The following UBR2 variants were observed in gnomAD, a reference collection of about 807,000 sequenced individuals.
The protein encoded by UBR2 is ubiquitin protein ligase E3 component n-recognin 2, also known as E3 ubiquitin-protein ligase UBR2.
A neutral mutation model predicts 247.9 loss-of-function variants in UBR2; 92 were observed. The ratio of observed to expected loss-of-function variants is 0.37; its 90% CI spans 0.31 to 0.44. UBR2 has a LOEUF of 0.44. Among genes scored for constraint, UBR2 ranks in the 20% least tolerant of loss-of-function variants. The pLI, the probability that UBR2 is intolerant of heterozygous loss-of-function variation, is 1.00. For synonymous variants in UBR2, 672 were observed against 693.5 expected (o/e 0.97, Z 0.49); for missense variants, 1,613 against 2,112.6 (o/e 0.76, Z 4.64).
chr6:42,575,793 G>T (rs1173809623), intron 2 of UBR2, among the ~76,000 whole-genome samples: 1 of 152,134 alleles, frequency 6.6e-6, no homozygotes, highest in Non-Finnish European at 1.5e-5. Context: ...CCACTGTAAT[G>T]TTACTCTTTT....
chr6:42,620,473 T>A (rs1438187276), intron 11 of UBR2: 3 of 136,206 alleles, frequency 2.2e-5, no homozygotes, highest in Non-Finnish European at 4.7e-5. Context: ...TCCTGAATAT[T>A]AAGTGTTGTT....
intron 23 of UBR2, among the ~76,000 whole-genome samples, chr6:42,651,538 C>T (rs1797112615): frequency 6.6e-6 from 1 of 151,824 alleles, no homozygotes; most frequent in Non-Finnish European, 1.5e-5. Context: ...CACTCTGTTA[C>T]CCAGGCTGGA....
rs546755577 is a variant in UBR2 at position 42,662,343 on chromosome 6, G to A, written c.3536+66G>A. ...AAGGGCTCAATATTTTTTAAATAGA[G>A]GAAATTTCATTCTAGAAAAAAGGAA... On this transcript the variant is annotated intron_variant, in intron 31 of 46. Transcript: ENST00000372901. 157 of 1,020,980 alleles carry A rather than the reference G, an allele frequency of 1.5e-4. No homozygotes were observed. In the African/African-American group the frequency reaches 2.1e-3, roughly 14 times the overall value. 63.2% of individuals were successfully genotyped at this position (1,020,980 alleles called of 1,614,324 possible).
At chr6:42,589,889 C>G (rs925761163) in intron 2 of UBR2, among the ~76,000 whole-genome samples, 2 of 152,106 alleles carry the variant, frequency 1.3e-5, no homozygotes, top group African/African-American at 2.4e-5. Context: ...ATTTTTCTAG[C>G]TGCCTTGAAG....
At chr6:42,569,447 T>C (rs1189354778) in intron 1 of UBR2, among the ~76,000 whole-genome samples, 2 of 152,254 alleles carry the variant, frequency 1.3e-5, no homozygotes, top group Non-Finnish European at 2.9e-5. Flanking sequence ...TGGCCATTTT[T>C]ATGTCTTCTT....
intron 11 of UBR2, among the ~76,000 whole-genome samples, chr6:42,626,315 A>C (rs4711725): frequency 0.46 from 66,504 of 146,076 alleles, 14,592 homozygotes; most frequent in African/African-American, 0.49. Flanking sequence ...TTTTAACTGC[A>C]TGTCACAGTC....
intron 8 of UBR2, among the ~76,000 whole-genome samples, chr6:42,614,424 A>ATACG (rs143366431): frequency 0.1 from 8,575 of 84,886 alleles, 1,770 homozygotes; most frequent in African/African-American, 0.14. Flanking sequence ...ACGTACGTAC[A>ATACG]TATATATGTA....
chr6:42,669,144 C>T (rs1480143275), intron 34 of UBR2, among the ~76,000 whole-genome samples: 12 of 151,928 alleles, frequency 7.9e-5, no homozygotes, highest in Admixed American at 7.2e-4. Flanking sequence ...AGGCTGGTCT[C>T]GAACTCCTGA....
At position 42,688,254 on chromosome 6, in the gene UBR2, C is replaced by T. The variant is rs754691704; in HGVS notation, c.4892C>T (p.Thr1631Ile). The T allele has an allele frequency of 6.2e-7, 1 of 1,614,156 alleles. No homozygotes were observed. Among genetic ancestry groups the T allele is most frequent in the Non-Finnish European group, 8.5e-7 (1 of 1,180,044 alleles). The change falls in exon 45 of 47, where the codon ACT becomes ATT. Residue 1631 changes from threonine to isoleucine, a missense_variant. By Grantham distance (89) the Thr-to-Ile change is moderately conservative. Around this residue, in one of 3 missense-constraint regions of UBR2, gnomAD observed 1,524 missense variants for 1,967.3 expected, o/e 0.77. Coordinates refer to ENST00000372901, the MANE Select transcript of UBR2 (RefSeq NM_001363705.2). ...GGTGGTGATAAGAGCAGAGCCCCAA[C>T]TCTGTGCCTTGTGTGCGGATCTCTG... ...KSGGDKSRAPTLCLVCGSLLC... is the reference protein window; with the variant it reads ...KSGGDKSRAPILCLVCGSLLC...
intron 45 of UBR2, 126 bp downstream of exon 45, chr6:42,688,512 CG>C: frequency 8.9e-7 from 1 of 1,126,946 alleles, no homozygotes; most frequent in South Asian, 1.5e-5. Flanking sequence ...ATTCCAGAAA[CG>C]TGGAGCTCCT....
In UBR2 at chr6:42,615,050, T is replaced by A. The variant is rs184738929; in HGVS notation, c.986-21T>A. ...AATATTTGAAGTTGCTATCTCATTCTACCTTTCCTTCTATTTAAAGATGGC... is the reference window on the plus strand; with the variant it reads ...AATATTTGAAGTTGCTATCTCATTCAACCTTTCCTTCTATTTAAAGATGGC... On this transcript the variant is annotated intron_variant, in intron 8 of 46. Transcript: ENST00000372901. The A allele has an allele frequency of 2.7e-3, 4,319 of 1,599,878 alleles. 11 individuals carry two copies. Among genetic ancestry groups the A allele is most frequent in the Non-Finnish European group, 3.2e-3 (3,774 of 1,170,754 alleles).
intron 7 of UBR2, among the ~76,000 whole-genome samples, chr6:42,608,928 T>G (rs1394788455): frequency 6.6e-6 from 1 of 152,220 alleles, no homozygotes; most frequent in Non-Finnish European, 1.5e-5. Flanking sequence ...ATGACTTGTT[T>G]AAGAAATTCT....
chr6:42,647,792 G>T (rs1376630282), intron 21 of UBR2, among the ~76,000 whole-genome samples: 3 of 151,916 alleles, frequency 2.0e-5, no homozygotes, highest in Non-Finnish European at 2.9e-5. Flanking sequence ...TTTTTTAAAT[G>T]TTTTATATAC....
In UBR2 at chr6:42,584,508, A is replaced by G. The variant is rs144888211; in HGVS notation, c.339-7643A>G. Among the ~76,000 whole-genome samples, 51 of 152,078 alleles carry G rather than the reference A, an allele frequency of 3.4e-4. 2 individuals carry two copies. The East Asian group carries it at 9.1e-3, about 27-fold the overall frequency. On this transcript the variant is annotated intron_variant, in intron 2 of 46. Coordinates refer to ENST00000372901, the MANE Select transcript of UBR2 (RefSeq NM_001363705.2). The stretch of plus-strand genomic sequence containing the variant: ...GTTTTGTCTATTTCATGTCTTTTGC[A>G]TTTTATAAATTTTAAAATTAGTTTG...
chr6:42,614,242 ACACGCG>A (rs1250056410), intron 8 of UBR2, among the ~76,000 whole-genome samples: 3 of 23,918 alleles, frequency 1.3e-4, no homozygotes, highest in Non-Finnish European at 3.4e-4. Flanking sequence ...ACACACACAC[ACACGCG>A]CGCACATATA....
chr6:42,662,100 AT>A, intron 30 of UBR2, 83 bp from the exon 31 acceptor site: 4 of 876,406 alleles, frequency 4.6e-6, no homozygotes, highest in Non-Finnish European at 7.1e-6. Flanking sequence ...TTTATCAAGG[AT>A]TTTACAATTT....
At chr6:42,662,965 A>G (rs1797904917) in intron 31 of UBR2, among the ~76,000 whole-genome samples, 1 of 151,990 alleles carries the variant, frequency 6.6e-6, no homozygotes, top group Non-Finnish European at 1.5e-5. Flanking sequence ...AAAAAAAACA[A>G]ATAGCCACCA....
chr6:42,645,654 C>T, intron 21 of UBR2, 64 bp downstream of exon 21: 1 of 1,534,526 alleles, frequency 6.5e-7, no homozygotes. Context: ...AGTCTAGTAT[C>T]TATAGATTTA....
chr6:42,687,466 A>C (rs1799507039), intron 44 of UBR2, among the ~76,000 whole-genome samples: 1 of 152,170 alleles, frequency 6.6e-6, no homozygotes, highest in African/African-American at 2.4e-5. Context: ...CATCAGAGGG[A>C]GACTGTGCAA....
Sources: gnomAD v4.1 joint callset for allele counts (sites outside exome capture counted in the v4.1 genomes callset) on GRCh38, gnomAD v4.1.1 for gene constraint, gnomAD v4.1.1 regional missense constraint, MANE v1.5 for transcripts, NCBI Gene and HGNC (gene_info 2026-07-23, HGNC 2026-07-21) for gene names.